The following ZNF831 variants were observed in gnomAD, a reference collection of about 807,000 sequenced individuals.
ZNF831 encodes the protein zinc finger protein 831.
In ZNF831, 59 loss-of-function variants were observed where a neutral mutation model predicts 95.8. The observed-to-expected ratio is 0.62, with a 90% CI of 0.50 to 0.77. ZNF831 has a LOEUF of 0.77. Among genes scored for constraint, ZNF831 ranks in the 30% least tolerant of loss-of-function variants. The pLI is 0.00. For synonymous variants in ZNF831, 961 were observed against 925.5 expected, an observed-to-expected ratio of 1.04 and a Z score of -0.70; for missense variants, 2,205 against 2,164.0, an observed-to-expected ratio of 1.02 and a Z score of -0.38.
intron 1 of ZNF831, among the ~76,000 whole-genome samples, chr20:59,124,762 C>T (rs1245811921): frequency 6.6e-6 from 1 of 152,326 alleles, no homozygotes; most frequent in African/African-American, 2.4e-5. Context: ...TCGAGAGGCT[C>T]AGTGTGGAAT....
chr20:59,191,982 G>C lies in ZNF831; in HGVS notation c.963G>C (p.Thr321=), dbSNP rs766504959. 4.4e-6 allele frequency: 7 copies of C among 1,606,972 alleles called. No individual in the cohort carries two copies. The highest frequency in any genetic ancestry group is 3.3e-4 in the Middle Eastern group (2 of 6,008). ...KPCALQRQQA[T]AAEKPWDAKA... is the part of the protein sequence containing the mutation. ...GCGCCCTGCAGCGGCAGCAGGCGAC[G>C]GCAGCGGAGAAGCCCTGGGATGCCA... Residue 321 remains threonine (T), a synonymous_variant, in exon 2 of 6, where the codon ACG becomes ACC. Coordinates refer to ENST00000371030, the MANE Select transcript of ZNF831 (RefSeq NM_178457.3).
chr20:59,179,740 C>G (rs1389724672), intron 1 of ZNF831, among the ~76,000 whole-genome samples: 1 of 152,150 alleles, frequency 6.6e-6, no homozygotes, highest in African/African-American at 2.4e-5. Context: ...GATTTAGGGA[C>G]CCCACTAAAT....
At position 59,194,760 on chromosome 20, in the gene ZNF831, A is replaced by T; in HGVS notation, c.3738+3A>T. The T allele has an allele frequency of 6.5e-7, 1 of 1,545,624 alleles. No individual in the cohort carries two copies. Among genetic ancestry groups the T allele is most frequent in the Non-Finnish European group, 8.7e-7 (1 of 1,148,300 alleles). On this transcript the variant is annotated splice_donor_region_variant and intron_variant, in intron 2 of 5. Transcript: ENST00000371030. The stretch of plus-strand genomic sequence containing the variant: ...GAGGGCCGGCGCAGATGTCCAAGGT[A>T]AAGCTGGGCTTTGCCCCAGGGCCCG...
chr20:59,252,164 A>G (rs2146754499), intron 4 of ZNF831, among the ~76,000 whole-genome samples: 1 of 152,350 alleles, frequency 6.6e-6, no homozygotes, highest in South Asian at 2.1e-4. Context: ...ATGGGAAAAG[A>G]TGGATGGGTT....
At chr20:59,141,144 C>T (rs140046679) in intron 1 of ZNF831, among the ~76,000 whole-genome samples, 1 of 152,356 alleles carries the variant, frequency 6.6e-6, no homozygotes, top group Non-Finnish European at 1.5e-5. Context: ...AAATAATCTG[C>T]CCACCTTGGC....
intron 2 of ZNF831, among the ~76,000 whole-genome samples, chr20:59,152,426 C>T (rs1173631787): frequency 1.3e-5 from 2 of 152,040 alleles, no homozygotes; most frequent in African/African-American, 2.4e-5. Context: ...GAAGGGAATT[C>T]CTGGCTGAGG....
rs144126017 is a variant in ZNF831 at position 59,185,333 on chromosome 20, A to G, written c.-36-5651A>G. 2.1e-4 allele frequency among the ~76,000 whole-genome samples: 32 copies of G among 152,296 alleles called. No individual in the cohort carries two copies. In the East Asian group the frequency reaches 5.8e-3, roughly 28 times the overall value. ...TCGCAGTGATCACAGAACAGGCTGC[A>G]GAGAGCACAAAATGATCATCGTGGC... On this transcript the variant is annotated intron_variant, in intron 1 of 5. Transcript: ENST00000371030.
At chr20:59,220,757 C>T (rs1986026042) in intron 4 of ZNF831, among the ~76,000 whole-genome samples, 1 of 152,162 alleles carries the variant, frequency 6.6e-6, no homozygotes, top group South Asian at 2.1e-4. Context: ...TCTCCTCAAC[C>T]ACCTTACTCC....
chr20:59,249,091 C>T (rs1400757970), intron 4 of ZNF831, among the ~76,000 whole-genome samples: 1 of 152,242 alleles, frequency 6.6e-6, no homozygotes, highest in South Asian at 2.1e-4. Context: ...AGCTGCTTTC[C>T]CCTTTAAGGT....
In ZNF831 at chr20:59,168,455, G is replaced by GTTT. The variant is rs71183161; in HGVS notation, c.-37+4265_-37+4267dup. On this transcript the variant is annotated intron_variant, in intron 1 of 5. Coordinates refer to ENST00000371030, the MANE Select transcript of ZNF831 (RefSeq NM_178457.3). ...TGCACTCACTTATTAGTGCGAGGAG[G>GTTT]TTTTTTTTTTTTTTTTTTTGTAGAT... 4.0e-3 allele frequency among the ~76,000 whole-genome samples: 460 copies of GTTT among 113,818 alleles called. 21 individuals are homozygous for GTTT. Among genetic ancestry groups the GTTT allele is most frequent in the African/African-American group, 0.014 (427 of 29,510 alleles). 74.7% of individuals were successfully genotyped at this position (113,818 alleles called of 152,430 possible).
chr20:59,143,848 A>G (rs1057368339), intron 1 of ZNF831, among the ~76,000 whole-genome samples: 4 of 152,238 alleles, frequency 2.6e-5, no homozygotes, highest in Non-Finnish European at 5.9e-5. Flanking sequence ...GGCTGGACAC[A>G]TTACTGTTGT....
chr20:59,202,794 A>G (rs1984624522), intron 3 of ZNF831, among the ~76,000 whole-genome samples: 1 of 152,206 alleles, frequency 6.6e-6, no homozygotes, highest in Admixed American at 6.5e-5. Flanking sequence ...CTGGTTTGGC[A>G]GATTCCTCAA....
At chr20:59,236,560 C>CTT (rs1459920541) in intron 4 of ZNF831, among the ~76,000 whole-genome samples, 6 of 118,726 alleles carry the variant, frequency 5.1e-5, no homozygotes, top group South Asian at 2.7e-4. Context: ...TAGTTTTTTG[C>CTT]TTTTTTTTTT....
chr20:59,194,811 C>T (rs554496997), intron 2 of ZNF831, 54 bp downstream of exon 2: 276 of 1,494,104 alleles, frequency 1.8e-4, no homozygotes, highest in Non-Finnish European at 2.1e-4. Flanking sequence ...GTTGTTATCC[C>T]GTAAGACCTC....
chr20:59,194,157 G>T lies in ZNF831; in HGVS notation c.3138G>T (p.Gly1046=), dbSNP rs1983874475. ...AARELPISAP[G]APREATSSPP... ...GGGAGTTGCCCATCTCAGCACCAGG[G>T]GCTCCCAGGGAGGCTACCTCCTCCC... Residue 1046 remains glycine, a synonymous_variant, in exon 2 of 6, where the codon GGG becomes GGT. Transcript: ENST00000371030. The T allele has an allele frequency of 6.3e-7, 1 of 1,578,778 alleles. No individual in the cohort carries two copies. Among genetic ancestry groups the T allele is most frequent in the East Asian group, 2.2e-5 (1 of 44,556 alleles).
At chr20:59,147,875 T>C (rs1016715751) in intron 2 of ZNF831, among the ~76,000 whole-genome samples, 3 of 152,178 alleles carry the variant, frequency 2.0e-5, no homozygotes, top group African/African-American at 7.2e-5. Flanking sequence ...AATGCAGGCA[T>C]GATTGTACGC....
At chr20:59,157,074 A>G (rs1356632602) in intron 2 of ZNF831, among the ~76,000 whole-genome samples, 1 of 152,174 alleles carries the variant, frequency 6.6e-6, no homozygotes, top group Non-Finnish European at 1.5e-5. Flanking sequence ...TTTGTGTTAT[A>G]AACATTCTGA....
At chr20:59,190,845 C>G (rs950387141) in intron 1 of ZNF831, 139 bp from the exon 2 acceptor site, 16 of 684,734 alleles carry the variant, frequency 2.3e-5, no homozygotes, top group African/African-American at 3.7e-5. Context: ...ACCTTCCTCT[C>G]GCTTGGGATG....
Position 59,194,248 on chromosome 20 carries a change from C to T in ZNF831, c.3229C>T (p.Arg1077Cys), listed in dbSNP as rs200262179. Residue 1077 changes from arginine to cysteine, a missense_variant, in exon 2 of 6, where the codon CGC (arginine) becomes TGC (cysteine). By Grantham distance (180) the Arg-to-Cys change is radical (BLOSUM62 -3). Coordinates refer to ENST00000371030, the MANE Select transcript of ZNF831 (RefSeq NM_178457.3). ...DMEGDSHRIHRLCMGSTLARA... is the reference protein window; with the variant it reads ...DMEGDSHRIHCLCMGSTLARA... Reference sequence around the variant, plus strand: ...GGAGGGTGACAGCCACCGTATCCATCGCCTCTGCATGGGCAGCACTTTGGC... The same window carrying T: ...GGAGGGTGACAGCCACCGTATCCATTGCCTCTGCATGGGCAGCACTTTGGC... 22 of 1,614,012 alleles carry T rather than the reference C, an allele frequency of 1.4e-5. No homozygotes were observed. In the Admixed American group the frequency reaches 2.3e-4, roughly 17 times the overall value.
Sources: allele counts gnomAD v4.1 joint callset (sites outside exome capture counted in the v4.1 genomes callset), GRCh38; gene constraint gnomAD v4.1.1; transcripts MANE v1.5; gene names NCBI Gene and HGNC (gene_info 2026-07-23, HGNC 2026-07-21).